HDAC5: variants seen among roughly 807,000 people sequenced by gnomAD.
HDAC5 encodes the protein histone deacetylase 5.
A neutral mutation model predicts 133.3 loss-of-function variants in HDAC5; 25 were observed. That is an observed-to-expected ratio of 0.19 (90% CI 0.14 to 0.26). The LOEUF is 0.26. HDAC5 is among the 10% of genes least tolerant of loss of function. HDAC5 has a pLI of 1.00. For missense variants in HDAC5, 1,041 were observed against 1,460.5 expected, an observed-to-expected ratio of 0.71 and a Z score of 4.68; for synonymous variants, 589 against 610.8, an observed-to-expected ratio of 0.96 and a Z score of 0.53.
chr17:44,096,982 A>G (rs868755580), intron 3 of HDAC5, among the ~76,000 whole-genome samples: 2 of 152,242 alleles, frequency 1.3e-5, no homozygotes, highest in South Asian at 2.1e-4. Flanking sequence ...TCGGCCTCCC[A>G]AAGTGCTGGG....
chr17:44,100,191 C>CA (rs1462843302), intron 3 of HDAC5, among the ~76,000 whole-genome samples: 1 of 152,152 alleles, frequency 6.6e-6, no homozygotes, highest in Non-Finnish European at 1.5e-5. Flanking sequence ...TCTAGCTTCC[C>CA]AAGAGCAAGG....
At position 44,078,412 on chromosome 17, in the gene HDAC5, C is replaced by T. The variant is rs145326077; in HGVS notation, c.3333G>A (p.Pro1111=). 4.0e-4 allele frequency: 609 copies of T among 1,533,066 alleles called. 2 individuals are homozygous for T. The highest frequency in any genetic ancestry group is 1.3e-3 in the Admixed American group (60 of 47,762). 95.0% of individuals were successfully genotyped at this position (1,533,066 alleles called of 1,614,324 possible). The change falls in exon 27 of 27, where the codon CCG becomes CCA. Residue 1111 remains proline (P), a synonymous_variant. Transcript: ENST00000682912. Reference sequence around the variant, plus strand: ...GCTCCTGCTCCATGGGCTCCTCTGCCGGCCTGTGGGGCAAGCACAGGGGAG... The same window carrying T: ...GCTCCTGCTCCATGGGCTCCTCTGCTGGCCTGTGGGGCAAGCACAGGGGAG... The part of the protein sequence containing the change: ...AAAAREHSPR[P]AEEPMEQEPA...
intron 2 of HDAC5, among the ~76,000 whole-genome samples, chr17:44,114,478 A>G (rs1380525329): frequency 6.6e-6 from 1 of 152,158 alleles, no homozygotes; most frequent in African/African-American, 2.4e-5. Context: ...GAAAAGGGAA[A>G]GAGAGAAAGT....
intron 2 of HDAC5, among the ~76,000 whole-genome samples, chr17:44,116,419 A>G (rs2052648386): frequency 6.6e-6 from 1 of 152,160 alleles, no homozygotes; most frequent in Non-Finnish European, 1.5e-5. Flanking sequence ...TCTGAAGGAG[A>G]ACAGCAAACC....
chr17:44,087,808 A>G lies in HDAC5; in HGVS notation c.1600-112T>C, dbSNP rs1197023695. The G allele has an allele frequency of 1.9e-5, 25 of 1,308,706 alleles. No individual in the cohort carries two copies. In the Admixed American group the frequency reaches 4.3e-4, roughly 23 times the overall value. The allele number at this position is 1,308,706 out of a possible 1,614,324, so 81.1% of individuals were successfully genotyped here. ...CTCCCTTCTTCCAGGTAGAGCTTCT[A>G]TGTGAATTAGAAAAAGGTGAGGTAG... On this transcript the variant is annotated intron_variant, in intron 12 of 26. Transcript: ENST00000682912.
At chr17:44,103,728 G>A (rs1047668030) in intron 3 of HDAC5, among the ~76,000 whole-genome samples, 39 of 148,498 alleles carry the variant, frequency 2.6e-4, no homozygotes, top group Non-Finnish European at 1.2e-4. Flanking sequence ...TTTTTTTTGA[G>A]ACGTAGTTTC....
At chr17:44,080,714 A>G in intron 21 of HDAC5, 49 bp downstream of exon 21, 3 of 1,612,040 alleles carry the variant, frequency 1.9e-6, no homozygotes, top group Non-Finnish European at 2.5e-6. Flanking sequence ...CCATTGTGCC[A>G]CCTCCCAGAG....
intron 3 of HDAC5, among the ~76,000 whole-genome samples, chr17:44,098,405 G>A (rs1425856815): frequency 2.6e-5 from 4 of 152,144 alleles, no homozygotes; most frequent in East Asian, 1.9e-4. Context: ...AGACAGGCCC[G>A]GGGCGTGGTG....
rs1171932555 is a variant in HDAC5 at position 44,123,547 on chromosome 17, A to G, written c.-233T>C. 1.0e-5 allele frequency: 4 copies of G among 399,898 alleles called. No homozygotes were observed. Among genetic ancestry groups the G allele is most frequent in the Non-Finnish European group, 1.8e-5 (4 of 228,280 alleles). The allele number at this position is 399,898 out of a possible 1,614,324, so 24.8% of individuals were successfully genotyped here. On this transcript the variant is annotated 5_prime_UTR_variant, in exon 1 of 27. Transcript: ENST00000682912. ...CGGCTTCGCGGGCGGCGGCGGCAGC[A>G]GCGGCGGCGGCAGCGGCGGCAGCAC...
intron 3 of HDAC5, among the ~76,000 whole-genome samples, chr17:44,094,538 G>A (rs1161735634): frequency 6.6e-6 from 1 of 151,700 alleles, no homozygotes; most frequent in Non-Finnish European, 1.5e-5. Flanking sequence ...TCAGGAGGCT[G>A]AGGCAGGAGA....
At chr17:44,107,518 G>A (rs1478239244) in intron 3 of HDAC5, among the ~76,000 whole-genome samples, 7 of 147,010 alleles carry the variant, frequency 4.8e-5, no homozygotes, top group Non-Finnish European at 8.9e-5. Flanking sequence ...TGAGGCAGGA[G>A]AATCGCTTGA....
chr17:44,084,592 G>A lies in HDAC5; in HGVS notation c.2268C>T (p.Pro756=), dbSNP rs748373451. ...EYHTLLYGTS[P]LNRQKLDSKK... The stretch of plus-strand genomic sequence containing the variant: ...TGCTGTCTAGCTTCTGCCGGTTGAG[G>A]GGACTGGTCCCATAGAGCAGGGTGT... The change falls in exon 16 of 27, where the codon CCC becomes CCT. Residue 756 remains proline (P), a synonymous_variant. Coordinates refer to ENST00000682912, the MANE Select transcript of HDAC5 (RefSeq NM_005474.5). The A allele has an allele frequency of 6.2e-7, 1 of 1,614,152 alleles. No individual in the cohort carries two copies. The highest frequency in any genetic ancestry group is 8.5e-7 in the Non-Finnish European group (1 of 1,180,014).
chr17:44,078,379 C>A lies in HDAC5; in HGVS notation c.3366G>T (p.Leu1122=), dbSNP rs1041877382. Residue 1122 remains leucine, a synonymous_variant, in exon 27 of 27, where the codon CTG becomes CTT. Transcript: ENST00000682912. ...CAGAGGGATGGGGGCCGGGGCGTCACAGGGCAGGCTCCTGCTCCATGGGCT... is the reference window on the plus strand; with the variant it reads ...CAGAGGGATGGGGGCCGGGGCGTCAAAGGGCAGGCTCCTGCTCCATGGGCT... ...AEEPMEQEPA[L] is the part of the protein sequence containing the mutation. 2 of 1,521,886 alleles carry A rather than the reference C, an allele frequency of 1.3e-6. No homozygotes were observed. Among genetic ancestry groups the A allele is most frequent in the Admixed American group, 4.5e-5 (2 of 44,152 alleles). 94.3% of individuals were successfully genotyped at this position (1,521,886 alleles called of 1,614,324 possible). A position where few individuals can be genotyped will look rare whatever the true frequency, so the allele number is the denominator to read the frequency against.
At chr17:44,118,480 ATT>A (rs35183280) in intron 1 of HDAC5, among the ~76,000 whole-genome samples, 1 of 152,102 alleles carries the variant, frequency 6.6e-6, no homozygotes, top group Non-Finnish European at 1.5e-5. Flanking sequence ...ACAAGGGACG[ATT>A]TTTTCCCAGT....
intron 21 of HDAC5, 94 bp downstream of exon 21, chr17:44,080,669 C>A: frequency 1.9e-6 from 3 of 1,567,870 alleles, no homozygotes; most frequent in South Asian, 1.1e-5. Context: ...CAGGTACCAA[C>A]ACCACCATGG....
At chr17:44,083,473 G>C in intron 18 of HDAC5, 72 bp downstream of exon 18, 1 of 1,083,114 alleles carries the variant, frequency 9.2e-7, no homozygotes, top group Non-Finnish European at 1.4e-6. Flanking sequence ...GGATCCCAAG[G>C]CTGCCCCTGT....
intron 3 of HDAC5, 45 bp from the exon 4 acceptor site, chr17:44,093,879 G>T: frequency 6.9e-7 from 1 of 1,450,200 alleles, no homozygotes; most frequent in Non-Finnish European, 9.1e-7. Context: ...CCCAGCCCCA[G>T]ACTCCAGTCA....
intron 5 of HDAC5, 45 bp from the exon 6 acceptor site, chr17:44,093,251 C>T: frequency 1.9e-6 from 3 of 1,587,858 alleles, no homozygotes; most frequent in Non-Finnish European, 2.6e-6. Flanking sequence ...GGGCCAGACC[C>T]CCCATGGCAG....
At chr17:44,080,664 A>G (rs778594016) in intron 21 of HDAC5, 99 bp downstream of exon 21, 57 of 1,552,604 alleles carry the variant, frequency 3.7e-5, no homozygotes, top group Non-Finnish European at 5.0e-5. Flanking sequence ...CTCCCCAGGT[A>G]CCAACACCAC....
Sources: allele counts gnomAD v4.1 joint callset (sites outside exome capture counted in the v4.1 genomes callset), GRCh38; gene constraint gnomAD v4.1.1; transcripts MANE v1.5; gene names NCBI Gene and HGNC (gene_info 2026-07-23, HGNC 2026-07-21).